CSMD1: variants seen among roughly 807,000 people sequenced by gnomAD.
CSMD1 encodes CUB and Sushi multiple domains 1, also known as CUB and sushi domain-containing protein 1.
A neutral mutation model predicts 417.5 loss-of-function variants in CSMD1; 213 were observed. That is an observed-to-expected ratio of 0.51 (90% CI 0.46 to 0.57). The LOEUF is 0.57. Ranked by LOEUF, CSMD1 falls within the 20% of genes least tolerant of loss-of-function variation. The pLI is 0.00. For missense variants in CSMD1, 6,923 were observed against 4,529.7 expected (o/e 1.53, Z -15.17); for synonymous variants, 2,862 against 1,736.8 (o/e 1.65, Z -16.11).
chr8:3,974,221 A>G (rs918620776), intron 5 of CSMD1, among the ~76,000 whole-genome samples: 2 of 151,882 alleles, frequency 1.3e-5, no homozygotes, highest in African/African-American at 4.8e-5. Flanking sequence ...ACCTTTCATA[A>G]GAGTTATTTT....
At chr8:3,225,333 G>C (rs1798435581) in intron 27 of CSMD1, among the ~76,000 whole-genome samples, 1 of 151,052 alleles carries the variant, frequency 6.6e-6, no homozygotes, top group African/African-American at 2.4e-5. Context: ...ATACGTTCAA[G>C]AGTAATATGA....
At chr8:4,196,595 A>T (rs1432128942) in intron 3 of CSMD1, among the ~76,000 whole-genome samples, 2 of 152,248 alleles carry the variant, frequency 1.3e-5, no homozygotes, top group East Asian at 3.9e-4. Flanking sequence ...CTGGGGTCAT[A>T]GCCTTCTTTG....
At chr8:3,363,547 A>G (rs1285048956) in intron 20 of CSMD1, among the ~76,000 whole-genome samples, 1 of 143,906 alleles carries the variant, frequency 6.9e-6, no homozygotes, top group Non-Finnish European at 1.6e-5. Flanking sequence ...TATTTTTTTG[A>G]GACCGAGTCT....
chr8:4,382,577 A>C (rs1322153332), intron 3 of CSMD1, among the ~76,000 whole-genome samples: 2 of 152,258 alleles, frequency 1.3e-5, no homozygotes, highest in South Asian at 4.1e-4. Flanking sequence ...CCTTTAAAGG[A>C]AAGTTAAAAG....
intron 25 of CSMD1, among the ~76,000 whole-genome samples, chr8:3,293,644 C>A (rs1173961487): frequency 1.3e-5 from 2 of 152,184 alleles, no homozygotes; most frequent in African/African-American, 2.4e-5. Context: ...GTGCATTTGT[C>A]ACGTAGTCCT....
At chr8:4,826,167 G>C (rs768490713) in intron 1 of CSMD1, among the ~76,000 whole-genome samples, 1 of 152,038 alleles carries the variant, frequency 6.6e-6, no homozygotes, top group African/African-American at 2.4e-5. Context: ...TCAGGATCTT[G>C]TAGAGACATG....
chr8:3,411,353 C>G (rs943599706), intron 12 of CSMD1, among the ~76,000 whole-genome samples: 2 of 148,926 alleles, frequency 1.3e-5, no homozygotes, highest in Non-Finnish European at 3.0e-5. Flanking sequence ...AACCTAACTA[C>G]TTCCTTTCCT....
At chr8:4,593,009 G>C (rs1355671146) in intron 2 of CSMD1, among the ~76,000 whole-genome samples, 1 of 152,072 alleles carries the variant, frequency 6.6e-6, no homozygotes, top group East Asian at 1.9e-4. Flanking sequence ...AAACTATTTA[G>C]AAAATTTCTT....
At chr8:4,165,161 A>G (rs1403679850) in intron 3 of CSMD1, among the ~76,000 whole-genome samples, 1 of 152,158 alleles carries the variant, frequency 6.6e-6, no homozygotes, top group Non-Finnish European at 1.5e-5. Context: ...CCACTGCTTA[A>G]TATGATACCT....
intron 3 of CSMD1, among the ~76,000 whole-genome samples, chr8:4,359,989 C>A (rs1361216725): frequency 1.3e-5 from 2 of 152,208 alleles, no homozygotes; most frequent in Admixed American, 1.3e-4. Context: ...TAGCCAAATG[C>A]CACTGCCATC....
chr8:4,040,066 A>T (rs1797808501), intron 3 of CSMD1, among the ~76,000 whole-genome samples: 1 of 152,328 alleles, frequency 6.6e-6, no homozygotes, highest in Admixed American at 6.5e-5. Flanking sequence ...ATGTTAGGGA[A>T]ATAATACAAT....
intron 1 of CSMD1, among the ~76,000 whole-genome samples, chr8:4,678,633 T>C (rs1805841822): frequency 6.6e-6 from 1 of 152,140 alleles, no homozygotes; most frequent in Non-Finnish European, 1.5e-5. Flanking sequence ...ACTAAAAACA[T>C]GTGCTACCTA....
chr8:3,689,001 G>C (rs1388520737), intron 7 of CSMD1, among the ~76,000 whole-genome samples: 3 of 152,132 alleles, frequency 2.0e-5, no homozygotes, highest in African/African-American at 4.8e-5. Flanking sequence ...GCTCTGCATA[G>C]AGTTATGTAC....
At chr8:4,035,457 G>T (rs779788058) in intron 3 of CSMD1, among the ~76,000 whole-genome samples, 2 of 150,036 alleles carry the variant, frequency 1.3e-5, no homozygotes, top group South Asian at 2.1e-4. Flanking sequence ...GATTCCAAAA[G>T]GAGGCATTAT....
chr8:3,899,092 T>C, intron 5 of CSMD1, among the ~76,000 whole-genome samples: 1 of 152,126 alleles, frequency 6.6e-6, no homozygotes, highest in South Asian at 2.1e-4. Flanking sequence ...AGGGTTCATC[T>C]CTAGTTTTAA....
At chr8:3,764,522 C>G (rs529485364) in intron 5 of CSMD1, among the ~76,000 whole-genome samples, 1 of 152,096 alleles carries the variant, frequency 6.6e-6, no homozygotes, top group African/African-American at 2.4e-5. Context: ...GGATGTCACA[C>G]CTGAGACATC....
intron 3 of CSMD1, among the ~76,000 whole-genome samples, chr8:4,221,163 C>A (rs1377462301): frequency 6.6e-6 from 1 of 152,140 alleles, no homozygotes; most frequent in African/African-American, 2.4e-5. Context: ...ACTGAAGCTC[C>A]ATCCGTGATT....
intron 1 of CSMD1, among the ~76,000 whole-genome samples, chr8:4,750,227 T>A (rs1811225347): frequency 2.0e-5 from 3 of 151,262 alleles, no homozygotes; most frequent in South Asian, 2.1e-4. Context: ...CACGATGGTC[T>A]CGATCTCCCG....
chr8:3,833,073 T>C (rs1802464940), intron 5 of CSMD1, among the ~76,000 whole-genome samples: 1 of 152,178 alleles, frequency 6.6e-6, no homozygotes, highest in Non-Finnish European at 1.5e-5. Flanking sequence ...GTTTGAATGT[T>C]TCTGATTTTT....
Sources: gnomAD v4.1 joint callset for allele counts (sites outside exome capture counted in the v4.1 genomes callset) on GRCh38, gnomAD v4.1.1 for gene constraint, MANE v1.5 for transcripts, NCBI Gene and HGNC (gene_info 2026-07-23, HGNC 2026-07-21) for gene names.